The following CAMK1D variants were observed in gnomAD, a reference collection of about 807,000 sequenced individuals.
CAMK1D encodes the protein calcium/calmodulin dependent protein kinase ID.
In CAMK1D, 9 loss-of-function variants were observed where a neutral mutation model predicts 47.7. The observed-to-expected ratio is 0.19, with a 90% CI of 0.11 to 0.33. The LOEUF (loss-of-function observed/expected upper bound fraction) is 0.33, where lower values mean the gene tolerates loss of function less well. CAMK1D is among the 10% of genes least tolerant of loss of function. The pLI, the probability that CAMK1D is intolerant of heterozygous loss-of-function variation, is 1.00. For missense variants in CAMK1D, 291 were observed against 488.7 expected (o/e 0.60, Z 3.81); for synonymous variants, 184 against 184.9 (o/e 0.99, Z 0.04).
At chr10:12,487,299 C>T (rs1299347114) in intron 1 of CAMK1D, among the ~76,000 whole-genome samples, 1 of 152,064 alleles carries the variant, frequency 6.6e-6, no homozygotes, top group Non-Finnish European at 1.5e-5. Flanking sequence ...ATCGGGTTTC[C>T]TCTTTTATAT....
intron 3 of CAMK1D, among the ~76,000 whole-genome samples, chr10:12,682,929 C>CTTT (rs530240014): frequency 1.6e-4 from 23 of 144,668 alleles, no homozygotes; most frequent in African/African-American, 5.6e-4. Flanking sequence ...AAGTAAGATT[C>CTTT]TTTTTTTTTT....
At chr10:12,768,592 G>A (rs1450209377) in intron 4 of CAMK1D, among the ~76,000 whole-genome samples, 1 of 152,088 alleles carries the variant, frequency 6.6e-6, no homozygotes, top group Non-Finnish European at 1.5e-5. Flanking sequence ...TTATCCTGGA[G>A]GGTGGACATT....
intron 5 of CAMK1D, among the ~76,000 whole-genome samples, chr10:12,781,852 T>C (rs1837511178): frequency 6.6e-6 from 1 of 152,164 alleles, no homozygotes; most frequent in Admixed American, 6.5e-5. Context: ...TTTACCATGT[T>C]GGCCAGGCTG....
chr10:12,686,276 A>G (rs1588788847), intron 3 of CAMK1D, among the ~76,000 whole-genome samples: 1 of 152,314 alleles, frequency 6.6e-6, no homozygotes, highest in South Asian at 2.1e-4. Context: ...GATGTTAATG[A>G]ATAAGTACCA....
chr10:12,598,650 A>T (rs1321800531), intron 2 of CAMK1D, among the ~76,000 whole-genome samples: 1 of 152,180 alleles, frequency 6.6e-6, no homozygotes, highest in Non-Finnish European at 1.5e-5. Flanking sequence ...GGCTACAGGG[A>T]TGCAGAAAGG....
rs540911352 is a variant in CAMK1D, at chr10:12,816,024, G to A, written c.755-226G>A. Among the ~76,000 whole-genome samples, 37 of 152,274 alleles carry A rather than the reference G, an allele frequency of 2.4e-4. 1 individual carries two copies. In the East Asian group the frequency reaches 6.7e-3, roughly 28 times the overall value. On this transcript the variant is annotated intron_variant, in intron 7 of 10. Transcript: ENST00000619168. ...TAAGGGCCTTGGAGCTGGAAGTCAG[G>A]GTCCCAGGCCACCTCCTCACTGCTG...
At chr10:12,748,015 T>C (rs1053792283) in intron 3 of CAMK1D, among the ~76,000 whole-genome samples, 1 of 152,146 alleles carries the variant, frequency 6.6e-6, no homozygotes, top group Non-Finnish European at 1.5e-5. Context: ...TTTGACCAAA[T>C]ATTTGACCAC....
intron 1 of CAMK1D, among the ~76,000 whole-genome samples, chr10:12,540,922 G>GTTT (rs200320640): frequency 2.8e-5 from 4 of 144,960 alleles, no homozygotes; most frequent in Admixed American, 6.8e-5. Context: ...TGAGTTATAG[G>GTTT]TTTTTTTTTT....
intron 2 of CAMK1D, among the ~76,000 whole-genome samples, chr10:12,555,089 G>A (rs1051043039): frequency 3.9e-5 from 6 of 152,312 alleles, no homozygotes; most frequent in Non-Finnish European, 8.8e-5. Flanking sequence ...AATTTTTGGG[G>A]TTTGGAATCA....
intron 2 of CAMK1D, among the ~76,000 whole-genome samples, chr10:12,664,226 T>A (rs1840359307): frequency 2.0e-5 from 3 of 152,226 alleles, no homozygotes; most frequent in African/African-American, 7.2e-5. Context: ...CTTTATTTTT[T>A]ATTTTTCTTT....
intron 3 of CAMK1D, among the ~76,000 whole-genome samples, chr10:12,734,684 C>T (rs1835101092): frequency 6.6e-6 from 1 of 151,764 alleles, no homozygotes; most frequent in South Asian, 2.1e-4. Flanking sequence ...GTCCAGACAA[C>T]TTCATGGCCT....
At chr10:12,711,993 C>A (rs1833956316) in intron 3 of CAMK1D, among the ~76,000 whole-genome samples, 1 of 152,194 alleles carries the variant, frequency 6.6e-6, no homozygotes, top group African/African-American at 2.4e-5. Context: ...CAGGTTTCTC[C>A]TAAGTTTTTC....
intron 1 of CAMK1D, among the ~76,000 whole-genome samples, chr10:12,503,675 T>C (rs1228888620): frequency 6.6e-6 from 1 of 152,220 alleles, no homozygotes; most frequent in Non-Finnish European, 1.5e-5. Context: ...CAGGGATGAC[T>C]GGCTTGGGGG....
chr10:12,544,600 T>C (rs748397873), intron 1 of CAMK1D, among the ~76,000 whole-genome samples: 2 of 152,274 alleles, frequency 1.3e-5, no homozygotes, highest in Non-Finnish European at 2.9e-5. Context: ...CAAATAATTT[T>C]TATGCCTCAA....
Position 12,790,228 on chromosome 10 carries a change from A to T in CAMK1D, c.566-930A>T, listed in dbSNP as rs1403211940. On this transcript the variant is annotated intron_variant, in intron 5 of 10. Transcript: ENST00000619168. Reference sequence around the variant, plus strand: ...GAATTGCAGTTTTTCTGTTTCACAGATGAGATGGGAAAATGCAATGAGCAT... The same window carrying T: ...GAATTGCAGTTTTTCTGTTTCACAGTTGAGATGGGAAAATGCAATGAGCAT... 2.6e-5 allele frequency among the ~76,000 whole-genome samples: 4 copies of T among 152,280 alleles called. No individual in the cohort carries two copies. In the East Asian group the frequency reaches 7.7e-4, roughly 29 times the overall value.
chr10:12,770,346 T>C (rs1195551379), intron 5 of CAMK1D, among the ~76,000 whole-genome samples: 1 of 152,196 alleles, frequency 6.6e-6, no homozygotes, highest in Non-Finnish European at 1.5e-5. Context: ...ACATCCAAAA[T>C]GCAGAGGAAA....
At chr10:12,751,709 T>C (rs1401659219) in intron 3 of CAMK1D, among the ~76,000 whole-genome samples, 1 of 152,176 alleles carries the variant, frequency 6.6e-6, no homozygotes, top group Non-Finnish European at 1.5e-5. Flanking sequence ...ACATTCAAGC[T>C]AGGACCTAAG....
rs1221585423 is a variant in CAMK1D at position 12,707,827 on chromosome 10, C to T, written c.299+41017C>T. Among the ~76,000 whole-genome samples, 5 of 152,202 alleles carry T rather than the reference C, an allele frequency of 3.3e-5. No individual in the cohort carries two copies. In the East Asian group the frequency reaches 9.6e-4, roughly 29 times the overall value. ...TATGTTTGGCAAGACCCTCTCAGAG[C>T]CTACGTTCATAGCTGTGAAATTAGC... is the stretch of plus-strand genomic sequence containing the variant. On this transcript the variant is annotated intron_variant, in intron 3 of 10. Transcript: ENST00000619168.
At chr10:12,407,359 C>T (rs1839474862) in intron 1 of CAMK1D, among the ~76,000 whole-genome samples, 1 of 152,246 alleles carries the variant, frequency 6.6e-6, no homozygotes, top group East Asian at 1.9e-4. Flanking sequence ...TCATACCAGC[C>T]TTCCTTTTCA....
Sources: allele counts gnomAD v4.1 joint callset (sites outside exome capture counted in the v4.1 genomes callset), GRCh38; gene constraint gnomAD v4.1.1; transcripts MANE v1.5; gene names NCBI Gene and HGNC (gene_info 2026-07-23, HGNC 2026-07-21).